Variants in SGMS1 observed in about 807,000 individuals in gnomAD.
SGMS1 encodes the protein phosphatidylcholine:ceramide cholinephosphotransferase 1.
In SGMS1, 13 loss-of-function variants were observed where a neutral mutation model predicts 46.2. The ratio of observed to expected loss-of-function variants is 0.28; its 90% CI spans 0.18 to 0.45. The LOEUF is 0.45. Ranked by LOEUF, SGMS1 falls within the 20% of genes least tolerant of loss-of-function variation. SGMS1 has a pLI of 1.00. For synonymous variants in SGMS1, 203 were observed against 187.8 expected (o/e 1.08, Z -0.66); for missense variants, 324 against 519.9 (o/e 0.62, Z 3.66).
At chr10:50,459,567 C>G (rs967669508) in intron 5 of SGMS1, among the ~76,000 whole-genome samples, 2 of 151,666 alleles carry the variant, frequency 1.3e-5, no homozygotes, top group Admixed American at 1.3e-4. Flanking sequence ...CCATGCCCGG[C>G]TAATTTTTGT....
chr10:50,538,285 G>A (rs1357730880), intron 2 of SGMS1, among the ~76,000 whole-genome samples: 4 of 151,454 alleles, frequency 2.6e-5, no homozygotes, highest in South Asian at 2.1e-4. Context: ...GTGAAACCCC[G>A]TCTCTACTAA....
intron 6 of SGMS1, among the ~76,000 whole-genome samples, chr10:50,360,405 T>A (rs1414605410): frequency 1.3e-5 from 2 of 151,604 alleles, no homozygotes; most frequent in East Asian, 3.9e-4. Flanking sequence ...GCAAAGCCTT[T>A]AAAAAAAAAC....
intron 6 of SGMS1, among the ~76,000 whole-genome samples, chr10:50,348,251 A>AT (rs1847947385): frequency 6.6e-6 from 1 of 152,258 alleles, no homozygotes; most frequent in African/African-American, 2.4e-5. Context: ...GAAAACTGGC[A>AT]TAAGACAAGG....
chr10:50,537,252 A>G (rs1838010121), intron 2 of SGMS1, among the ~76,000 whole-genome samples: 1 of 152,200 alleles, frequency 6.6e-6, no homozygotes, highest in South Asian at 2.1e-4. Flanking sequence ...CGGACAAAGT[A>G]ACCTTTTCTC....
intron 2 of SGMS1, among the ~76,000 whole-genome samples, chr10:50,583,025 C>A (rs1307287512): frequency 6.6e-6 from 1 of 152,200 alleles, no homozygotes; most frequent in Non-Finnish European, 1.5e-5. Flanking sequence ...GAGAGGCTAG[C>A]GTGCATGAGG....
chr10:50,487,405 G>C (rs1837530712), intron 3 of SGMS1, among the ~76,000 whole-genome samples: 1 of 152,066 alleles, frequency 6.6e-6, no homozygotes, highest in Non-Finnish European at 1.5e-5. Context: ...CTAGGTGATG[G>C]GTTGCTGGAG....
intron 8 of SGMS1, among the ~76,000 whole-genome samples, chr10:50,314,801 G>A (rs894699803): frequency 3.3e-5 from 5 of 152,078 alleles, no homozygotes; most frequent in Non-Finnish European, 7.4e-5. Context: ...TGTGCCTGTA[G>A]TCCCAGCTAC....
Position 50,344,153 on chromosome 10 carries a change from G to A in SGMS1, c.-39C>T, listed in dbSNP as rs1847873411. ...AGCAGGCAGTCCCCAGCTCTCTCTTGGCAGGTCAGCAGTCACTGTTCCGAC... is the reference window on the plus strand; with the variant it reads ...AGCAGGCAGTCCCCAGCTCTCTCTTAGCAGGTCAGCAGTCACTGTTCCGAC... On this transcript the variant is annotated 5_prime_UTR_variant, in exon 7 of 11. Transcript: ENST00000361781. The A allele has an allele frequency of 6.4e-7, 1 of 1,555,306 alleles. No individual in the cohort carries two copies. The highest frequency in any genetic ancestry group is 1.8e-5 in the Admixed American group (1 of 54,430).
chr10:50,330,471 T>C (rs1433010134), intron 7 of SGMS1, among the ~76,000 whole-genome samples: 1 of 151,706 alleles, frequency 6.6e-6, no homozygotes, highest in Admixed American at 6.6e-5. Context: ...GGTGACAGAG[T>C]CAGACCTGTC....
intron 7 of SGMS1, among the ~76,000 whole-genome samples, chr10:50,340,959 A>G: frequency 6.6e-6 from 1 of 152,194 alleles, no homozygotes; most frequent in East Asian, 1.9e-4. Flanking sequence ...GTTGGGAATT[A>G]CTGGCCAAAT....
At chr10:50,342,242 T>A (rs1205630067) in intron 7 of SGMS1, 1 of 152,216 alleles carries the variant, frequency 6.6e-6, no homozygotes, top group Non-Finnish European at 1.5e-5. Context: ...ATCTTGTATT[T>A]CTAAAGCCTA....
At chr10:50,406,192 A>G (rs1849012315) in intron 6 of SGMS1, among the ~76,000 whole-genome samples, 1 of 152,162 alleles carries the variant, frequency 6.6e-6, no homozygotes, top group Non-Finnish European at 1.5e-5. Context: ...AGGGGATCTG[A>G]GCCCTGTAAG....
At chr10:50,540,968 G>T (rs1838046845) in intron 2 of SGMS1, among the ~76,000 whole-genome samples, 2 of 151,812 alleles carry the variant, frequency 1.3e-5, no homozygotes, top group Non-Finnish European at 2.9e-5. Context: ...CTTTTTGGAG[G>T]CAGAATCAAC....
chr10:50,420,028 A>G (rs755269967), intron 6 of SGMS1, among the ~76,000 whole-genome samples: 3 of 152,212 alleles, frequency 2.0e-5, no homozygotes, highest in Non-Finnish European at 2.9e-5. Flanking sequence ...TGACTGCTTC[A>G]TCTCTCTCTG....
intron 3 of SGMS1, among the ~76,000 whole-genome samples, chr10:50,497,117 A>G (rs1311507075): frequency 6.6e-6 from 1 of 152,190 alleles, no homozygotes; most frequent in Admixed American, 6.5e-5. Flanking sequence ...GCTCGATGCA[A>G]ACCTCTCCAA....
intron 6 of SGMS1, among the ~76,000 whole-genome samples, chr10:50,431,409 A>C (rs1478198051): frequency 1.3e-5 from 2 of 152,214 alleles, no homozygotes; most frequent in Non-Finnish European, 2.9e-5. Context: ...GTTCAATAAA[A>C]AATGTGTTTT....
At chr10:50,479,360 C>T (rs1023796466) in intron 3 of SGMS1, among the ~76,000 whole-genome samples, 2 of 152,046 alleles carry the variant, frequency 1.3e-5, no homozygotes, top group African/African-American at 4.8e-5. Flanking sequence ...GCCCTAATGT[C>T]CTAGATTTGC....
At chr10:50,560,225 AAT>A (rs1365454184) in intron 2 of SGMS1, among the ~76,000 whole-genome samples, 1 of 143,596 alleles carries the variant, frequency 7.0e-6, no homozygotes, top group Non-Finnish European at 1.5e-5. Context: ...TATATTACAT[AAT>A]ATATAACATA....
chr10:50,406,026 T>C (rs1021019624), intron 6 of SGMS1, among the ~76,000 whole-genome samples: 1 of 151,994 alleles, frequency 6.6e-6, no homozygotes, highest in African/African-American at 2.4e-5. Context: ...AATATATATA[T>C]ACACACACAC....
Sources: allele counts gnomAD v4.1 joint callset (sites outside exome capture counted in the v4.1 genomes callset), GRCh38; gene constraint gnomAD v4.1.1; transcripts MANE v1.5; gene names NCBI Gene and HGNC (gene_info 2026-07-23, HGNC 2026-07-21).